FAT3: variants seen among roughly 807,000 people sequenced by gnomAD.
FAT3 encodes protocadherin Fat 3.
Under a neutral mutation model 310.2 loss-of-function variants are expected in FAT3, and 95 were observed. The observed-to-expected ratio is 0.31, with a 90% CI of 0.26 to 0.36. The LOEUF is 0.36. Among genes scored for constraint, FAT3 ranks in the 10% least tolerant of loss-of-function variants. The pLI is 1.00. For synonymous variants in FAT3, 2,314 were observed against 2,192.9 expected, an observed-to-expected ratio of 1.06 and a Z score of -1.54; for missense variants, 5,408 against 5,715.6, an observed-to-expected ratio of 0.95 and a Z score of 1.74.
At chr11:92,450,646 T>C (rs1032601954) in intron 2 of FAT3, among the ~76,000 whole-genome samples, 1 of 152,172 alleles carries the variant, frequency 6.6e-6, no homozygotes, top group South Asian at 2.1e-4. Context: ...GACCTGTATC[T>C]CAATCAGGTG....
At chr11:92,660,919 A>C (rs1010483776) in intron 3 of FAT3, among the ~76,000 whole-genome samples, 2 of 152,330 alleles carry the variant, frequency 1.3e-5, no homozygotes, top group East Asian at 1.9e-4. Context: ...CAAGGTGGTG[A>C]TTTATCAGCA....
intron 3 of FAT3, among the ~76,000 whole-genome samples, chr11:92,557,223 G>T (rs1003513717): frequency 2.6e-5 from 4 of 151,740 alleles, no homozygotes; most frequent in Non-Finnish European, 5.9e-5. Context: ...AAGTTTCCTG[G>T]CCTTACCATT....
At chr11:92,662,009 AT>A (rs1260817841) in intron 3 of FAT3, among the ~76,000 whole-genome samples, 1 of 152,026 alleles carries the variant, frequency 6.6e-6, no homozygotes, top group African/African-American at 2.4e-5. Context: ...GAAGAACTCT[AT>A]TTTTTTCTAC....
intron 1 of FAT3, among the ~76,000 whole-genome samples, chr11:92,271,448 C>T (rs2015894960): frequency 6.6e-6 from 1 of 152,102 alleles, no homozygotes; most frequent in South Asian, 2.1e-4. Context: ...CTCTGCCACT[C>T]CCCCTTAGGA....
intron 1 of FAT3, among the ~76,000 whole-genome samples, chr11:92,302,683 A>G (rs1185881898): frequency 6.6e-6 from 1 of 152,100 alleles, no homozygotes; most frequent in African/African-American, 2.4e-5. Flanking sequence ...AACAGAACTC[A>G]TAGTCCTACT....
chr11:92,632,974 A>C (rs1555106048), intron 3 of FAT3, among the ~76,000 whole-genome samples: 1 of 152,196 alleles, frequency 6.6e-6, no homozygotes, highest in Admixed American at 6.5e-5. Flanking sequence ...TTCTCATCAC[A>C]GTTCTCCTTA....
At chr11:92,291,320 T>G (rs369825814) in intron 1 of FAT3, among the ~76,000 whole-genome samples, 91 of 152,246 alleles carry the variant, frequency 6.0e-4, no homozygotes, top group African/African-American at 2.1e-3. Flanking sequence ...TCTCTCCTTC[T>G]TCCTTCGGTG....
At chr11:92,540,787 A>C (rs1954424835) in intron 3 of FAT3, among the ~76,000 whole-genome samples, 1 of 151,348 alleles carries the variant, frequency 6.6e-6, no homozygotes, top group Non-Finnish European at 1.5e-5. Context: ...TTTTTTTGAC[A>C]CAGATCCCAG....
chr11:92,817,349 A>C (rs1039929748), intron 13 of FAT3, among the ~76,000 whole-genome samples: 1 of 152,226 alleles, frequency 6.6e-6, no homozygotes, highest in African/African-American at 2.4e-5. Context: ...AAAAATTCTG[A>C]GTCTTCCAGA....
intron 1 of FAT3, among the ~76,000 whole-genome samples, chr11:92,332,156 T>C (rs972044105): frequency 7.9e-5 from 12 of 152,356 alleles, no homozygotes; most frequent in African/African-American, 2.9e-4. Flanking sequence ...TTGTGCTTTG[T>C]TCACCCTGTG....
At chr11:92,229,571 A>G (rs1551606) in intron 1 of FAT3, among the ~76,000 whole-genome samples, 109,881 of 138,400 alleles carry the variant, frequency 0.79, 43,888 homozygotes, top group Middle Eastern at 0.91. Context: ...TTCAGGAAAG[A>G]CTGCCTTTCC....
chr11:92,806,548 A>T, intron 12 of FAT3, 33 bp downstream of exon 12: 1 of 1,514,152 alleles, frequency 6.6e-7, no homozygotes, highest in Admixed American at 2.1e-5. Flanking sequence ...GATAAATGTC[A>T]TTGTTAATTC....
In FAT3 at chr11:92,799,515, T is replaced by C. The variant is rs760576393; in HGVS notation, c.6502T>C (p.Leu2168=). The C allele has an allele frequency of 1.9e-6, 3 of 1,613,748 alleles. No individual in the cohort carries two copies. In the South Asian group the frequency reaches 3.3e-5, roughly 18 times the overall value. The change falls in exon 10 of 28, where the codon TTG becomes CTG. Residue 2168 remains leucine, a synonymous_variant. Coordinates refer to ENST00000525166, the MANE Select transcript of FAT3 (RefSeq NM_001367949.2). ...AGCCAAGGATGGCGGAAAACCTTCT[T>C]TGTCTACATCTGTGGAGCTTCCCAT... The part of the protein sequence containing the change: ...ILAKDGGKPS[L]STSVELPITI...
chr11:92,816,713 T>C (rs750078695), intron 13 of FAT3, among the ~76,000 whole-genome samples: 3 of 152,124 alleles, frequency 2.0e-5, no homozygotes, highest in African/African-American at 2.4e-5. Context: ...TGGTGGCTCA[T>C]GCCTGTAATC....
chr11:92,261,489 T>C (rs1214480077), intron 1 of FAT3, among the ~76,000 whole-genome samples: 1 of 152,114 alleles, frequency 6.6e-6, no homozygotes, highest in Non-Finnish European at 1.5e-5. Context: ...TTAGGAACAA[T>C]GCTTTAGTTT....
intron 2 of FAT3, among the ~76,000 whole-genome samples, chr11:92,408,726 T>C (rs965677271): frequency 1.3e-5 from 2 of 152,250 alleles, no homozygotes; most frequent in Admixed American, 1.3e-4. Flanking sequence ...GAAGCATGGA[T>C]CAAATATGGA....
At chr11:92,289,017 A>G (rs1326438950) in intron 1 of FAT3, among the ~76,000 whole-genome samples, 1 of 152,114 alleles carries the variant, frequency 6.6e-6, no homozygotes, top group Non-Finnish European at 1.5e-5. Flanking sequence ...CCTGAGCTTC[A>G]GGCCCTGCTT....
At chr11:92,797,317 G>C (rs923590148) in intron 9 of FAT3, among the ~76,000 whole-genome samples, 1 of 152,204 alleles carries the variant, frequency 6.6e-6, no homozygotes, top group African/African-American at 2.4e-5. Context: ...CCAATTCCAT[G>C]TAGCGAAGTT....
intron 21 of FAT3, among the ~76,000 whole-genome samples, chr11:92,866,057 G>A (rs1949239286): frequency 6.6e-6 from 1 of 152,116 alleles, no homozygotes; most frequent in Non-Finnish European, 1.5e-5. Flanking sequence ...CATCCTAAAG[G>A]CCTATTTTAA....
Sources: gnomAD v4.1 joint callset for allele counts (sites outside exome capture counted in the v4.1 genomes callset) on GRCh38, gnomAD v4.1.1 for gene constraint, MANE v1.5 for transcripts, NCBI Gene and HGNC (gene_info 2026-07-23, HGNC 2026-07-21) for gene names.